Variants in RBM20 observed in about 807,000 individuals in gnomAD.
The protein encoded by RBM20 is RNA binding motif protein 20, also known as RNA-binding protein 20.
In RBM20, 51 loss-of-function variants were observed where a neutral mutation model predicts 110.1. The ratio of observed to expected loss-of-function variants is 0.46; its 90% confidence interval spans 0.37 to 0.59. The LOEUF (loss-of-function observed/expected upper bound fraction) is 0.59. Among genes scored for constraint, RBM20 ranks in the 20% least tolerant of loss-of-function variants. The probability of loss-of-function intolerance (pLI) is 0.00; values close to 1 mark genes in which losing one functional copy is unlikely to be tolerated. For synonymous variants in RBM20, 589 were observed against 618.2 expected (o/e 0.95, Z 0.70); for missense variants, 1,512 against 1,574.9 (o/e 0.96, Z 0.68).
chr10:110,831,342 A>AG, intron 13 of RBM20, 160 bp downstream of exon 13: 1 of 666,824 alleles, frequency 1.5e-6, no homozygotes, highest in Non-Finnish European at 2.4e-6. Context: ...CAAGCACACC[A>AG]GGCTGTTTTC....
chr10:110,753,896 C>G (rs921588208), intron 1 of RBM20, among the ~76,000 whole-genome samples: 7 of 152,222 alleles, frequency 4.6e-5, no homozygotes, highest in African/African-American at 1.7e-4. Context: ...CCAAATCTCT[C>G]TCCTGTCACA....
In RBM20 at chr10:110,821,453, C is replaced by T. The variant is rs1243435425; in HGVS notation, c.2834C>T (p.Thr945Ile). The T allele has an allele frequency of 1.3e-6, 2 of 1,551,690 alleles. No individual in the cohort carries two copies. The highest frequency in any genetic ancestry group is 1.7e-6 in the Non-Finnish European group (2 of 1,147,040). ...CAGAAAGACAAAATTTGCCCAGAAA[C>T]ATGTCTGTGTGTGACAACCACCTTA... is the stretch of plus-strand genomic sequence containing the variant. ...IDQKDKICPE[T>I]CLCVTTTLDL... Residue 945 changes from threonine (T) to isoleucine (I), a missense_variant, in exon 11 of 14, where the codon ACA becomes ATA. Thr to Ile is a moderately conservative substitution (Grantham distance 89, BLOSUM62 -1). Transcript: ENST00000369519.
intron 11 of RBM20, 104 bp downstream of exon 11, chr10:110,822,039 C>A: frequency 8.7e-7 from 1 of 1,152,472 alleles, no homozygotes; most frequent in South Asian, 1.4e-5. Context: ...AGTAAGGTTT[C>A]AACTAGCATT....
intron 1 of RBM20, among the ~76,000 whole-genome samples, chr10:110,776,808 A>G (rs574350155): frequency 1.3e-5 from 2 of 152,352 alleles, no homozygotes; most frequent in African/African-American, 4.8e-5. Flanking sequence ...TACTGCAGGG[A>G]TTATCCACTC....
intron 1 of RBM20, among the ~76,000 whole-genome samples, chr10:110,721,261 T>C (rs2134932589): frequency 6.6e-6 from 1 of 152,346 alleles, no homozygotes; most frequent in South Asian, 2.1e-4. Context: ...TGTTCCCTGC[T>C]GAGTCAATCT....
intron 1 of RBM20, among the ~76,000 whole-genome samples, chr10:110,733,698 G>A (rs1843641599): frequency 6.6e-6 from 1 of 152,230 alleles, no homozygotes; most frequent in African/African-American, 2.4e-5. Context: ...CACTGGCGTG[G>A]CTCGGCGCTT....
chr10:110,665,312 G>A (rs1388295406), intron 1 of RBM20, among the ~76,000 whole-genome samples: 2 of 152,252 alleles, frequency 1.3e-5, no homozygotes, highest in East Asian at 1.9e-4. Flanking sequence ...AGCTGATGGC[G>A]TTCTTTATAA....
At chr10:110,684,073 A>G (rs144316181) in intron 1 of RBM20, among the ~76,000 whole-genome samples, 176 of 152,354 alleles carry the variant, frequency 1.2e-3, no homozygotes, top group South Asian at 2.5e-3. Flanking sequence ...ATTTTTCTAC[A>G]GTGTCAAGGA....
intron 7 of RBM20, among the ~76,000 whole-genome samples, chr10:110,804,870 A>G (rs891056128): frequency 3.3e-5 from 5 of 152,078 alleles, no homozygotes; most frequent in Non-Finnish European, 5.9e-5. Flanking sequence ...TTGTGGGGGG[A>G]GTCCTCTTGC....
chr10:110,677,708 A>G (rs918888614), intron 1 of RBM20, among the ~76,000 whole-genome samples: 5 of 152,226 alleles, frequency 3.3e-5, no homozygotes, highest in Admixed American at 2.6e-4. Flanking sequence ...GGAGTGTTAC[A>G]TATTGTTTAA....
chr10:110,771,578 G>A (rs1844189617), intron 1 of RBM20, among the ~76,000 whole-genome samples: 1 of 152,242 alleles, frequency 6.6e-6, no homozygotes, highest in Non-Finnish European at 1.5e-5. Flanking sequence ...TATGAGAGCA[G>A]GTGGTGGAGT....
chr10:110,672,280 G>C (rs1862272418), intron 1 of RBM20, among the ~76,000 whole-genome samples: 1 of 152,218 alleles, frequency 6.6e-6, no homozygotes, highest in African/African-American at 2.4e-5. Context: ...CGCAGCACTT[G>C]TCAGTTTATG....
chr10:110,811,308 T>C (rs1300955170), intron 8 of RBM20, among the ~76,000 whole-genome samples: 1 of 152,180 alleles, frequency 6.6e-6, no homozygotes, highest in African/African-American at 2.4e-5. Context: ...GGGAACTTAA[T>C]GAAAAAATGC....
At position 110,701,281 on chromosome 10, in the gene RBM20, G is replaced by T. The variant is rs568625756; in HGVS notation, c.191+56636G>T. 3.3e-5 allele frequency among the ~76,000 whole-genome samples: 5 copies of T among 152,062 alleles called. No individual in the cohort carries two copies. The South Asian group carries it at 1.0e-3, about 32-fold the overall frequency. ...TTTCCTCCTAGTTTCTTCCAGCCTG[G>T]AGTTCACAGTGGGGCTTACTTCTCA... On this transcript the variant is annotated intron_variant, in intron 1 of 13. Coordinates refer to ENST00000369519, the MANE Select transcript of RBM20 (RefSeq NM_001134363.3).
chr10:110,686,394 C>T (rs1488083732), intron 1 of RBM20, among the ~76,000 whole-genome samples: 1 of 152,100 alleles, frequency 6.6e-6, no homozygotes, highest in Non-Finnish European at 1.5e-5. Context: ...ATCCCACCCC[C>T]ACACAATTTA....
At chr10:110,743,277 A>G (rs1229054773) in intron 1 of RBM20, among the ~76,000 whole-genome samples, 5 of 152,190 alleles carry the variant, frequency 3.3e-5, no homozygotes. Flanking sequence ...GGGTAAATCA[A>G]TTTCTGTTTT....
At chr10:110,808,213 C>T (rs1050304687) in intron 7 of RBM20, among the ~76,000 whole-genome samples, 13 of 152,234 alleles carry the variant, frequency 8.5e-5, no homozygotes, top group South Asian at 2.1e-4. Flanking sequence ...AAGTGACAAC[C>T]GACCCTGGCT....
chr10:110,819,529 G>A (rs2135117874), intron 9 of RBM20, among the ~76,000 whole-genome samples: 1 of 152,324 alleles, frequency 6.6e-6, no homozygotes, highest in East Asian at 1.9e-4. Flanking sequence ...TCCTGATTTG[G>A]GGGAAGGGAA....
At chr10:110,731,063 A>G (rs1843616406) in intron 1 of RBM20, among the ~76,000 whole-genome samples, 1 of 151,576 alleles carries the variant, frequency 6.6e-6, no homozygotes, top group Admixed American at 6.6e-5. Flanking sequence ...TGGTTCATTC[A>G]CTGGCCATAG....
Sources: allele counts gnomAD v4.1 joint callset (sites outside exome capture counted in the v4.1 genomes callset), GRCh38; gene constraint gnomAD v4.1.1; transcripts MANE v1.5; gene names NCBI Gene and HGNC (gene_info 2026-07-23, HGNC 2026-07-21).